ATP8B1: variants seen among roughly 807,000 people sequenced by gnomAD.
The protein encoded by ATP8B1 is phospholipid-transporting ATPase IC.
A neutral mutation model predicts 149.9 loss-of-function variants in ATP8B1; 80 were observed. The ratio of observed to expected loss-of-function variants is 0.53; its 90% CI spans 0.45 to 0.64. The LOEUF (loss-of-function observed/expected upper bound fraction) is 0.64. Among genes scored for constraint, ATP8B1 ranks in the 30% least tolerant of loss-of-function variants. The pLI, the probability that ATP8B1 is intolerant of heterozygous loss-of-function variation, is 0.00. For synonymous variants in ATP8B1, 536 were observed against 562.8 expected, an observed-to-expected ratio of 0.95 and a Z score of 0.67; for missense variants, 1,247 against 1,552.6, an observed-to-expected ratio of 0.80 and a Z score of 3.31.
intron 1 of ATP8B1, among the ~76,000 whole-genome samples, chr18:57,738,987 C>T (rs1039987046): frequency 2.6e-5 from 4 of 151,876 alleles, no homozygotes; most frequent in Non-Finnish European, 4.4e-5. Context: ...TCCAATAGGA[C>T]TTGTGTATTT....
Position 57,648,229 on chromosome 18 carries a change from C to A in ATP8B1, c.*259G>T. The stretch of plus-strand genomic sequence containing the variant: ...TCGAACTCCTGGCCTCAGGTGATCT[C>A]CCCTCCTCAGCCTCCTAAAGTGCTG... On this transcript the variant is annotated 3_prime_UTR_variant, in exon 28 of 28. Transcript: ENST00000648908. The A allele has an allele frequency of 1.8e-6, 1 of 565,792 alleles. No individual in the cohort carries two copies. The highest frequency in any genetic ancestry group is 2.0e-5 in the South Asian group (1 of 50,970). The allele number at this position is 565,792 out of a possible 1,614,324, so 35.0% of individuals were successfully genotyped here. A position where few individuals can be genotyped will look rare whatever the true frequency, so the allele number is the denominator to read the frequency against.
At chr18:57,755,409 G>A (rs970087202) in intron 1 of ATP8B1, 1 of 151,916 alleles carries the variant, frequency 6.6e-6, no homozygotes, top group Non-Finnish European at 1.5e-5. Flanking sequence ...TGCTTCGGCA[G>A]CACATATACT....
chr18:57,762,642 T>A (rs1054897226), intron 1 of ATP8B1, among the ~76,000 whole-genome samples: 2 of 152,230 alleles, frequency 1.3e-5, no homozygotes, highest in East Asian at 3.8e-4. Context: ...AGGCTGCTTA[T>A]ATCCCGTGAT....
At chr18:57,692,597 G>A (rs1158656811) in intron 11 of ATP8B1, among the ~76,000 whole-genome samples, 3 of 151,946 alleles carry the variant, frequency 2.0e-5, no homozygotes, top group East Asian at 1.9e-4. Context: ...CACCAAGGCC[G>A]GCTAATTTTT....
In ATP8B1 at chr18:57,648,833, C is replaced by T; in HGVS notation, c.3532-121G>A. On this transcript the variant is annotated intron_variant, in intron 27 of 27. Transcript: ENST00000648908. ...CCCTGACACCTGCCCCATTTTGATG[C>T]AGGCAGTTCTGTCCCCACTTGTGTG... is the stretch of plus-strand genomic sequence containing the variant. 2 of 866,860 alleles carry T rather than the reference C, an allele frequency of 2.3e-6. 1 individual carries two copies. The highest frequency in any genetic ancestry group is 3.2e-5 in the South Asian group (2 of 62,636). 53.7% of individuals were successfully genotyped at this position (866,860 alleles called of 1,614,324 possible).
chr18:57,726,799 G>A (rs2079712993), intron 2 of ATP8B1, among the ~76,000 whole-genome samples: 1 of 152,150 alleles, frequency 6.6e-6, no homozygotes, highest in East Asian at 1.9e-4. Context: ...AATAGAATAG[G>A]CCGGGCACAG....
rs367575213 is a variant in ATP8B1 at position 57,655,363 on chromosome 18, G to A, written c.2762C>T (p.Ser921Leu). The change falls in exon 23 of 28, where the codon TCG (serine) becomes TTG (leucine). Residue 921 changes from serine (S) to leucine (L), a missense_variant. By Grantham distance (145) the Ser-to-Leu change is moderately radical. Transcript: ENST00000648908. ...GAACTGAGCAAAGGAATAGTCACTC[G>A]ACATGACAGCTTGCATTCCTTCTTG... ...SGQEGMQAVMSSDYSFAQFRY... is the reference protein window; with the variant it reads ...SGQEGMQAVMLSDYSFAQFRY... 1.4e-5 allele frequency: 23 copies of A among 1,614,074 alleles called. No individual in the cohort carries two copies. Among genetic ancestry groups the A allele is most frequent in the Non-Finnish European group, 1.9e-5 (23 of 1,180,048 alleles).
intron 2 of ATP8B1, among the ~76,000 whole-genome samples, chr18:57,712,065 ATATG>A (rs1913716122): frequency 6.6e-6 from 1 of 151,506 alleles, no homozygotes; most frequent in African/African-American, 2.4e-5. Context: ...ATATATATAT[ATATG>A]GCGAATATGG....
chr18:57,658,973 CTT>C (rs1313090246), intron 22 of ATP8B1, among the ~76,000 whole-genome samples: 2 of 152,084 alleles, frequency 1.3e-5, no homozygotes, highest in African/African-American at 4.8e-5. Context: ...TGCTCTATAA[CTT>C]ATATATAAAA....
chr18:57,687,588 G>A (rs563728688), intron 13 of ATP8B1, among the ~76,000 whole-genome samples: 21 of 152,088 alleles, frequency 1.4e-4, no homozygotes, highest in Admixed American at 2.6e-4. Context: ...TTCATTGTGC[G>A]TATCCACATT....
intron 1 of ATP8B1, among the ~76,000 whole-genome samples, chr18:57,745,151 A>C (rs1036418703): frequency 2.6e-5 from 4 of 152,210 alleles, no homozygotes; most frequent in Non-Finnish European, 4.4e-5. Context: ...TGAAATTAGT[A>C]TATGTATTAC....
chr18:57,721,101 A>G (rs1235039512), intron 2 of ATP8B1, among the ~76,000 whole-genome samples: 8 of 110,838 alleles, frequency 7.2e-5, no homozygotes, highest in Admixed American at 6.5e-4. Flanking sequence ...AGGAAGCACT[A>G]AACATGGAAA....
chr18:57,714,907 T>C (rs111803408), intron 2 of ATP8B1, among the ~76,000 whole-genome samples: 12 of 152,096 alleles, frequency 7.9e-5, no homozygotes, highest in Non-Finnish European at 1.6e-4. Flanking sequence ...TCCACAAGCA[T>C]CAAGAACATC....
chr18:57,756,236 C>CACACACACACATAT (rs1270164219), intron 1 of ATP8B1, among the ~76,000 whole-genome samples: 8 of 106,146 alleles, frequency 7.5e-5, no homozygotes, highest in East Asian at 4.2e-4. Flanking sequence ...CACACACACA[C>CACACACACACATAT]ATATATACAC....
chr18:57,734,620 G>A (rs918643197), intron 1 of ATP8B1, among the ~76,000 whole-genome samples: 1 of 152,034 alleles, frequency 6.6e-6, no homozygotes, highest in African/African-American at 2.4e-5. Flanking sequence ...TTATTACAAA[G>A]AACAACTTAG....
At chr18:57,774,282 C>A (rs1281842731) in intron 1 of ATP8B1, among the ~76,000 whole-genome samples, 1 of 152,230 alleles carries the variant, frequency 6.6e-6, no homozygotes, top group Non-Finnish European at 1.5e-5. Flanking sequence ...GTCCATAGCA[C>A]TTCTCATCTG....
chr18:57,699,525 A>AGGAGATTAAGACCAC (rs1295123158), intron 6 of ATP8B1, among the ~76,000 whole-genome samples: 2 of 151,898 alleles, frequency 1.3e-5, no homozygotes, highest in Admixed American at 6.6e-5. Flanking sequence ...TCATGAGGTC[A>AGGAGATTAAGACCAC]GGAGATTAAG....
chr18:57,653,915 A>G, intron 24 of ATP8B1, 77 bp downstream of exon 24: 1 of 1,317,842 alleles, frequency 7.6e-7, no homozygotes, highest in Non-Finnish European at 1.1e-6. Flanking sequence ...AGAAGAATGC[A>G]TTGAAACGTT....
chr18:57,729,874 C>A (rs978633604), intron 2 of ATP8B1, among the ~76,000 whole-genome samples: 1 of 151,954 alleles, frequency 6.6e-6, no homozygotes, highest in South Asian at 2.1e-4. Flanking sequence ...TAATTTTGGT[C>A]AAGTATCATG....
Sources: allele counts gnomAD v4.1 joint callset (sites outside exome capture counted in the v4.1 genomes callset), GRCh38; gene constraint gnomAD v4.1.1; transcripts MANE v1.5; gene names NCBI Gene and HGNC (gene_info 2026-07-23, HGNC 2026-07-21).